Variants in ABCA10 observed in about 807,000 individuals in gnomAD.
ABCA10 encodes the protein ATP-binding cassette sub-family A member 10.
A neutral mutation model predicts 187.5 loss-of-function variants in ABCA10; 169 were observed. The observed-to-expected ratio is 0.90, with a 90% CI of 0.80 to 1.02. The LOEUF (loss-of-function observed/expected upper bound fraction) is 1.02, where lower values mean the gene tolerates loss of function less well. Ranked by LOEUF, ABCA10 falls within the 50% of genes least tolerant of loss-of-function variation. The probability of loss-of-function intolerance (pLI) is 0.00; values close to 1 mark genes in which losing one functional copy is unlikely to be tolerated. For synonymous variants in ABCA10, 574 were observed against 601.8 expected, an observed-to-expected ratio of 0.95 and a Z score of 0.68; for missense variants, 1,727 against 1,812.4, an observed-to-expected ratio of 0.95 and a Z score of 0.86.
chr17:69,187,569 A>C (rs1046994653), intron 19 of ABCA10, 112 bp downstream of exon 19: 28 of 1,169,952 alleles, frequency 2.4e-5, no homozygotes, highest in Non-Finnish European at 2.9e-5. Context: ...AGGATAGGTA[A>C]ACATACAAAA....
chr17:69,170,753 G>GA (rs5821700), intron 25 of ABCA10, among the ~76,000 whole-genome samples: 442 of 147,542 alleles, frequency 3.0e-3, no homozygotes, highest in Non-Finnish European at 5.6e-3. Context: ...AGTTTCAAGG[G>GA]AAAAAAAAAA....
chr17:69,217,714 A>G (rs2074716736), intron 6 of ABCA10, among the ~76,000 whole-genome samples: 1 of 152,234 alleles, frequency 6.6e-6, no homozygotes, highest in Admixed American at 6.5e-5. Flanking sequence ...ATATACAAGA[A>G]GTGTGAGGGC....
intron 22 of ABCA10, among the ~76,000 whole-genome samples, chr17:69,181,034 C>A (rs2074376638): frequency 6.6e-6 from 1 of 151,964 alleles, no homozygotes; most frequent in East Asian, 1.9e-4. Context: ...AAAAGCACTG[C>A]AGAATTTTAA....
In ABCA10 at chr17:69,235,110, C is replaced by T. The variant is rs191721999; in HGVS notation, c.-592-6250G>A. 188 of 152,258 alleles carry T rather than the reference C, an allele frequency of 1.2e-3. 1 individual carries two copies. The highest frequency in any genetic ancestry group is 3.4e-3 in the African/African-American group (142 of 41,550). 9.4% of individuals were successfully genotyped at this position (152,258 alleles called of 1,614,324 possible). On this transcript the variant is annotated intron_variant, in intron 1 of 39. Coordinates refer to the ABCA10 transcript ENST00000269081. ...ATGGTTACATCTTTATTTAAAAAGA[C>T]GATAAACAACACCATTTCTGGAGGT...
At chr17:69,209,461 T>C (rs565789042) in intron 9 of ABCA10, among the ~76,000 whole-genome samples, 1 of 152,304 alleles carries the variant, frequency 6.6e-6, no homozygotes, top group African/African-American at 2.4e-5. Flanking sequence ...GTAAGAAGCA[T>C]AGGGACTAAA....
At chr17:69,164,264 T>C (rs986910215) in intron 26 of ABCA10, 110 bp from the exon 27 acceptor site, 1 of 821,086 alleles carries the variant, frequency 1.2e-6, no homozygotes, top group Non-Finnish European at 1.8e-6. Flanking sequence ...ACAGTAAGTA[T>C]TCCATGAATT....
At chr17:69,242,593 T>G (rs1270585748) in intron 1 of ABCA10, among the ~76,000 whole-genome samples, 1 of 152,146 alleles carries the variant, frequency 6.6e-6, no homozygotes, top group African/African-American at 2.4e-5. Context: ...GCCTCCCAAC[T>G]AACTGGGATT....
intron 21 of ABCA10, 103 bp downstream of exon 21, chr17:69,182,572 A>G (rs4968850): frequency 0.63 from 845,423 of 1,340,968 alleles, 273,321 homozygotes; most frequent in Non-Finnish European, 0.67. Flanking sequence ...ATATGATGCC[A>G]ATTTAGAAAA....
At position 69,190,466 on chromosome 17, in the gene ABCA10, C is replaced by T; in HGVS notation, c.2023G>A (p.Asp675Asn). 6.4e-7 allele frequency: 1 copy of T among 1,572,940 alleles called. No individual in the cohort carries two copies. The highest frequency in any genetic ancestry group is 8.6e-7 in the Non-Finnish European group (1 of 1,168,170). Reference sequence around the variant, plus strand: ...CCCTGGTCAGAACACTTATCAAGGTCACTGTAAAGATCTAAAAAGCCAATA... The same window carrying T: ...CCCTGGTCAGAACACTTATCAAGGTTACTGTAAAGATCTAAAAAGCCAATA... ...KTNKFPDLYSDLDKCSDQGIR... is the reference protein window; with the variant it reads ...KTNKFPDLYSNLDKCSDQGIR... Residue 675 changes from aspartate (D) to asparagine (N), a missense_variant, in exon 18 of 39, where the codon GAC becomes AAC. Coordinates refer to ENST00000690296, the MANE Select transcript of ABCA10 (RefSeq NM_001377321.1).
In ABCA10 at chr17:69,161,762, T is replaced by C. The variant is rs556079062; in HGVS notation, c.3363+2312A>G. Among the ~76,000 whole-genome samples, 19 of 151,194 alleles carry C rather than the reference T, an allele frequency of 1.3e-4. No homozygotes were observed. The South Asian group carries it at 3.5e-3, about 28-fold the overall frequency. On this transcript the variant is annotated intron_variant, in intron 27 of 38. Coordinates refer to ENST00000690296, the MANE Select transcript of ABCA10 (RefSeq NM_001377321.1). ...TTTGAAAAGAGCCCCTATCAGAACATGAATTCTGCTAAAACTGAAGCAAGA... is the reference window on the plus strand; with the variant it reads ...TTTGAAAAGAGCCCCTATCAGAACACGAATTCTGCTAAAACTGAAGCAAGA...
At position 69,182,214 on chromosome 17, in the gene ABCA10, G is replaced by A. The variant is rs2074384969; in HGVS notation, c.2708C>T (p.Ala903Val). Reference sequence around the variant, plus strand: ...CGTGAAGTTAAAAATTCCCATAAGGGCATTGCTAACAATTCCCATAAGAAC... The same window carrying A: ...CGTGAAGTTAAAAATTCCCATAAGGACATTGCTAACAATTCCCATAAGAAC... ...FPVLMGIVSN[A>V]LMGIFNFTEL... Residue 903 changes from alanine (A) to valine (V), a missense_variant, in exon 22 of 39, where the codon GCC becomes GTC. Transcript: ENST00000690296. 6 of 1,599,520 alleles carry A rather than the reference G, an allele frequency of 3.8e-6. No individual in the cohort carries two copies. Among genetic ancestry groups the A allele is most frequent in the Non-Finnish European group, 5.1e-6 (6 of 1,172,290 alleles).
At chr17:69,174,980 T>G (rs1256524024) in intron 23 of ABCA10, among the ~76,000 whole-genome samples, 3 of 152,176 alleles carry the variant, frequency 2.0e-5, no homozygotes, top group Non-Finnish European at 4.4e-5. Flanking sequence ...TTTTTAAAGT[T>G]AATTTACCCA....
chr17:69,155,778 A>G (rs1335587576), intron 29 of ABCA10, 27 bp downstream of exon 29: 1 of 1,604,988 alleles, frequency 6.2e-7, no homozygotes, highest in African/African-American at 1.3e-5. Context: ...TGAGCATTTT[A>G]TTAAGGGTCT....
At position 69,215,822 on chromosome 17, in the gene ABCA10, A is replaced by G. The variant is rs2074699195; in HGVS notation, c.851T>C (p.Met284Thr). 1 of 1,570,876 alleles carries G rather than the reference A, an allele frequency of 6.4e-7. No homozygotes were observed. Among genetic ancestry groups the G allele is most frequent in the South Asian group, 1.2e-5 (1 of 81,076 alleles). Residue 284 changes from methionine to threonine, a missense_variant, in exon 8 of 39, where the codon ATG becomes ACG. Transcript: ENST00000690296. Reference sequence around the variant, plus strand: ...AAATAATTATGTTCTTACCTGGGCCATTCCAGCAGTGAAGGCAAAAGGGCT... The same window carrying G: ...AAATAATTATGTTCTTACCTGGGCCGTTCCAGCAGTGAAGGCAAAAGGGCT... ...LLSPFAFTAG[M>T]AQITHLDNYL...
intron 1 of ABCA10, among the ~76,000 whole-genome samples, chr17:69,237,257 G>A (rs1023979371): frequency 6.6e-6 from 1 of 152,142 alleles, no homozygotes; most frequent in African/African-American, 2.4e-5. Flanking sequence ...AGAGCAAAAT[G>A]TATACTTTTG....
At chr17:69,226,213 G>C (rs2074791975) in intron 2 of ABCA10, among the ~76,000 whole-genome samples, 1 of 152,012 alleles carries the variant, frequency 6.6e-6, no homozygotes, top group Non-Finnish European at 1.5e-5. Flanking sequence ...AGGAGACAGA[G>C]AGATGAAGCA....
intron 1 of ABCA10, among the ~76,000 whole-genome samples, chr17:69,237,862 T>C (rs959981039): frequency 6.6e-6 from 1 of 152,046 alleles, no homozygotes. Flanking sequence ...CTAAGGAACA[T>C]GAAGAATTTC....
Position 69,150,004 on chromosome 17 carries a change from G to T in ABCA10, c.4457C>A (p.Ala1486Asp), listed in dbSNP as rs2074116262. The T allele has an allele frequency of 6.2e-7, 1 of 1,612,402 alleles. No individual in the cohort carries two copies. The highest frequency in any genetic ancestry group is 8.5e-7 in the Non-Finnish European group (1 of 1,179,046). The change falls in exon 37 of 39, where the codon GCC (alanine) becomes GAC (aspartate). Residue 1486 changes from alanine to aspartate, a missense_variant. Transcript: ENST00000690296. ...PVEDVHPLSR[A>D]FFKLEAMKQT... The stretch of plus-strand genomic sequence containing the variant: ...CTTACTCGCCTCTAACTTGAAAAAG[G>T]CCCGAGATAGAGGGTGGACATCCTC...
At chr17:69,175,037 C>T (rs1425550781) in intron 23 of ABCA10, among the ~76,000 whole-genome samples, 1 of 152,052 alleles carries the variant, frequency 6.6e-6, no homozygotes, top group Non-Finnish European at 1.5e-5. Context: ...TTTTAAAGCC[C>T]AGTTTATTAA....
Sources: gnomAD v4.1 joint callset for allele counts (sites outside exome capture counted in the v4.1 genomes callset) on GRCh38, gnomAD v4.1.1 for gene constraint, MANE v1.5 for transcripts, NCBI Gene and HGNC (gene_info 2026-07-23, HGNC 2026-07-21) for gene names.